Variants in RNF180 observed in about 807,000 individuals in gnomAD.
RNF180 encodes the protein E3 ubiquitin-protein ligase RNF180.
RNF180 carries 38 observed loss-of-function variants against 59.2 expected under a neutral mutation model. The ratio of observed to expected loss-of-function variants is 0.64; its 90% CI spans 0.50 to 0.84. RNF180 has a LOEUF of 0.84. RNF180 is among the 40% of genes least tolerant of loss of function. The probability of loss-of-function intolerance (pLI) is 0.00; values close to 1 mark genes in which losing one functional copy is unlikely to be tolerated. For synonymous variants in RNF180, 262 were observed against 240.3 expected, an observed-to-expected ratio of 1.09 and a Z score of -0.84; for missense variants, 705 against 700.9, an observed-to-expected ratio of 1.01 and a Z score of -0.07.
chr5:64,204,356 T>C (rs1751909783), intron 2 of RNF180, among the ~76,000 whole-genome samples: 1 of 152,200 alleles, frequency 6.6e-6, no homozygotes, highest in Non-Finnish European at 1.5e-5. Flanking sequence ...TCCAGCATCA[T>C]AGGGTATGTG....
At chr5:64,278,735 T>C (rs750900624) in intron 5 of RNF180, among the ~76,000 whole-genome samples, 8 of 152,218 alleles carry the variant, frequency 5.3e-5, no homozygotes, top group Non-Finnish European at 1.0e-4. Flanking sequence ...GAACATGTTA[T>C]GCCTGCCTTT....
intron 5 of RNF180, among the ~76,000 whole-genome samples, chr5:64,239,451 T>C (rs1243248515): frequency 1.3e-5 from 2 of 152,188 alleles, no homozygotes; most frequent in African/African-American, 4.8e-5. Flanking sequence ...TGCTAGTAGA[T>C]AATGCACTTT....
upstream of RNF180, chr5:64,165,711 G>C (rs1282757512): frequency 6.6e-6 from 1 of 152,246 alleles, no homozygotes; most frequent in Admixed American, 6.6e-5. Flanking sequence ...ACCCGCAGAC[G>C]TGGGGCGAGC....
intron 5 of RNF180, among the ~76,000 whole-genome samples, chr5:64,308,518 G>A (rs1347467486): frequency 6.6e-6 from 1 of 151,666 alleles, no homozygotes; most frequent in African/African-American, 2.4e-5. Flanking sequence ...CAAAAGTGTA[G>A]CCAGGGGCTT....
Position 64,222,830 on chromosome 5 carries a change from A to G in RNF180, c.1227+5434A>G, listed in dbSNP as rs948220530. On this transcript the variant is annotated intron_variant, in intron 5 of 7. Transcript: ENST00000389100. Reference sequence around the variant, plus strand: ...ATGCTATGTTATCTCTTCTCTGCACATGAGTTTCGGGGAGGAAGACTACAG... The same window carrying G: ...ATGCTATGTTATCTCTTCTCTGCACGTGAGTTTCGGGGAGGAAGACTACAG... 2.0e-5 allele frequency among the ~76,000 whole-genome samples: 3 copies of G among 152,328 alleles called. No individual in the cohort carries two copies. The East Asian group carries it at 5.8e-4, about 29-fold the overall frequency.
rs1336464744 is a variant in RNF180 at position 64,370,774 on chromosome 5, G to A, written c.*960G>A. ...TGAATCATTAGAACATGGAATTGGG[G>A]CAGGTAACCCAATTCAAAAAAGGAA... On this transcript the variant is annotated 3_prime_UTR_variant, in exon 8 of 8. Coordinates refer to ENST00000389100, the MANE Select transcript of RNF180 (RefSeq NM_001113561.2). The A allele has an allele frequency of 1.3e-5, 2 of 151,434 alleles. No homozygotes were observed. The highest frequency in any genetic ancestry group is 4.8e-5 in the African/African-American group (2 of 41,324). The allele number at this position is 151,434 out of a possible 1,614,324, so 9.4% of individuals were successfully genotyped here.
At chr5:64,173,636 CTTTCCCT>C (rs1053597222) in intron 1 of RNF180, among the ~76,000 whole-genome samples, 2 of 151,704 alleles carry the variant, frequency 1.3e-5, no homozygotes, top group Non-Finnish European at 2.9e-5. Flanking sequence ...TCCCTTTCCC[CTTTCCCT>C]TTTCCCTCTC....
At chr5:64,307,389 T>C (rs1189924367) in intron 5 of RNF180, among the ~76,000 whole-genome samples, 5 of 151,666 alleles carry the variant, frequency 3.3e-5, no homozygotes, top group South Asian at 2.1e-4. Flanking sequence ...AAATGTATAA[T>C]AGAGAAAGAC....
At chr5:64,344,675 T>C (rs1049609419) in intron 7 of RNF180, among the ~76,000 whole-genome samples, 3 of 152,096 alleles carry the variant, frequency 2.0e-5, no homozygotes, top group African/African-American at 7.2e-5. Flanking sequence ...CTTTTCCCCT[T>C]CACTTCTACT....
intron 5 of RNF180, among the ~76,000 whole-genome samples, chr5:64,267,581 C>G (rs1000786336): frequency 6.6e-6 from 1 of 151,750 alleles, no homozygotes; most frequent in East Asian, 1.9e-4. Context: ...CAATTCCCAC[C>G]TATGAGTGAG....
chr5:64,229,463 C>T (rs1476851177), intron 5 of RNF180, among the ~76,000 whole-genome samples: 1 of 152,072 alleles, frequency 6.6e-6, no homozygotes, highest in African/African-American at 2.4e-5. Context: ...TATTTTCAGT[C>T]GTTTGATAAC....
At chr5:64,319,844 G>A (rs920849415) in intron 5 of RNF180, among the ~76,000 whole-genome samples, 2 of 152,226 alleles carry the variant, frequency 1.3e-5, no homozygotes, top group African/African-American at 4.8e-5. Context: ...ATTTTGTACA[G>A]TTGAATCTTT....
At position 64,299,535 on chromosome 5, in the gene RNF180, G is replaced by C. The variant is rs188852964; in HGVS notation, c.1228-25651G>C. ...TTTGACATTCTGTTATATTGTTATA[G>C]TATTTTAAAAATTGATTTAAATATC... On this transcript the variant is annotated intron_variant, in intron 5 of 7. Coordinates refer to ENST00000389100, the MANE Select transcript of RNF180 (RefSeq NM_001113561.2). Among the ~76,000 whole-genome samples the C allele has an allele frequency of 2.0e-5, 3 of 151,950 alleles. 1 individual carries two copies. The South Asian group carries it at 6.2e-4, about 31-fold the overall frequency.
intron 1 of RNF180, among the ~76,000 whole-genome samples, chr5:64,175,140 T>A (rs1750163063): frequency 6.6e-6 from 1 of 152,062 alleles, no homozygotes; most frequent in African/African-American, 2.4e-5. Context: ...GCTAATTTTG[T>A]ATTTTTAGTA....
chr5:64,262,386 T>C (rs1347206985), intron 5 of RNF180, among the ~76,000 whole-genome samples: 1 of 152,148 alleles, frequency 6.6e-6, no homozygotes, highest in East Asian at 1.9e-4. Flanking sequence ...CTGGATGCCT[T>C]TCATATACCA....
intron 7 of RNF180, among the ~76,000 whole-genome samples, chr5:64,368,959 G>T (rs183000172): frequency 1.3e-4 from 20 of 152,098 alleles, no homozygotes; most frequent in African/African-American, 4.8e-4. Context: ...CCCATTACTG[G>T]GTATATACCC....
At chr5:64,349,047 C>G (rs1259702723) in intron 7 of RNF180, among the ~76,000 whole-genome samples, 1 of 152,090 alleles carries the variant, frequency 6.6e-6, no homozygotes, top group Non-Finnish European at 1.5e-5. Flanking sequence ...TAAGTAACCT[C>G]TAAAGTGTTT....
intron 5 of RNF180, among the ~76,000 whole-genome samples, chr5:64,294,149 T>C (rs1029532802): frequency 2.0e-5 from 3 of 152,182 alleles, no homozygotes; most frequent in African/African-American, 7.2e-5. Flanking sequence ...ATTTTAAAAA[T>C]CAATAATAAC....
chr5:64,276,391 G>A (rs1741722895), intron 5 of RNF180, among the ~76,000 whole-genome samples: 1 of 150,522 alleles, frequency 6.6e-6, no homozygotes, highest in Non-Finnish European at 1.5e-5. Flanking sequence ...GTGTGTGTGT[G>A]TTTATTTATT....
Sources: gnomAD v4.1 joint callset for allele counts (sites outside exome capture counted in the v4.1 genomes callset) on GRCh38, gnomAD v4.1.1 for gene constraint, MANE v1.5 for transcripts, NCBI Gene and HGNC (gene_info 2026-07-23, HGNC 2026-07-21) for gene names.